The following EYS variants were observed in gnomAD, a reference collection of about 807,000 sequenced individuals.
EYS encodes protein eyes shut homolog.
EYS carries 250 observed loss-of-function variants against 282.1 expected under a neutral mutation model. That is an observed-to-expected ratio of 0.89 (90% CI 0.80 to 0.98). The LOEUF (loss-of-function observed/expected upper bound fraction) is 0.98. EYS is among the 50% of genes least tolerant of loss of function. The pLI is 0.00. For synonymous variants in EYS, 1,355 were observed against 1,282.9 expected (o/e 1.06, Z -1.20); for missense variants, 4,016 against 3,709.0 (o/e 1.08, Z -2.15).
intron 12 of EYS, among the ~76,000 whole-genome samples, chr6:65,253,659 G>T (rs555013547): frequency 6.6e-6 from 1 of 151,832 alleles, no homozygotes; most frequent in South Asian, 2.1e-4. Context: ...AAAGCAATTT[G>T]CATTGATTCA....
At chr6:64,711,772 C>G (rs543392063) in intron 22 of EYS, among the ~76,000 whole-genome samples, 1 of 152,168 alleles carries the variant, frequency 6.6e-6, no homozygotes, top group Admixed American at 6.5e-5. Flanking sequence ...TTCAGACTTG[C>G]GCCCCTCCGA....
intron 22 of EYS, among the ~76,000 whole-genome samples, chr6:64,757,433 T>G (rs1772978353): frequency 6.6e-6 from 1 of 152,208 alleles, no homozygotes; most frequent in African/African-American, 2.4e-5. Context: ...ACATGCATTT[T>G]TTTTTTATTT....
intron 28 of EYS, among the ~76,000 whole-genome samples, chr6:64,416,604 T>C (rs1774065678): frequency 6.6e-6 from 1 of 152,044 alleles, no homozygotes; most frequent in South Asian, 2.1e-4. Flanking sequence ...ATTTATTCAT[T>C]AGGCAAAACT....
chr6:65,316,653 CCA>C (rs1769303021), intron 11 of EYS, among the ~76,000 whole-genome samples: 1 of 151,600 alleles, frequency 6.6e-6, no homozygotes, highest in Non-Finnish European at 1.5e-5. Context: ...CTGGCAGGCC[CCA>C]GTGTGTGATG....
intron 31 of EYS, among the ~76,000 whole-genome samples, chr6:64,193,798 G>C (rs1765191089): frequency 6.6e-6 from 1 of 152,090 alleles, no homozygotes; most frequent in South Asian, 2.1e-4. Context: ...GTGGTTTCCA[G>C]CTTCATCCAT....
intron 11 of EYS, chr6:65,329,577 G>T: frequency 1.0e-6 from 1 of 982,194 alleles, no homozygotes; most frequent in Non-Finnish European, 1.2e-6. Flanking sequence ...TATCTTTTTT[G>T]CTTTAAAGGT....
intron 26 of EYS, among the ~76,000 whole-genome samples, chr6:64,511,240 T>TATATATATATG: frequency 7.0e-6 from 1 of 143,728 alleles, no homozygotes; most frequent in African/African-American, 2.6e-5. Context: ...ATATATATCA[T>TATATATATATG]ATATATATAT....
intron 22 of EYS, among the ~76,000 whole-genome samples, chr6:64,646,855 T>C (rs1425363151): frequency 1.3e-5 from 2 of 151,994 alleles, no homozygotes; most frequent in Non-Finnish European, 2.9e-5. Flanking sequence ...AGTTGCATTA[T>C]TCCTCATGAG....
intron 31 of EYS, among the ~76,000 whole-genome samples, chr6:64,127,118 T>G (rs944357550): frequency 2.6e-5 from 4 of 152,190 alleles, no homozygotes; most frequent in Admixed American, 6.5e-5. Context: ...CATACAACTT[T>G]TAAAACTTTG....
At chr6:64,905,773 T>C (rs970804986) in intron 16 of EYS, among the ~76,000 whole-genome samples, 6 of 152,160 alleles carry the variant, frequency 3.9e-5, no homozygotes, top group Admixed American at 3.9e-4. Flanking sequence ...TTCATAAAAA[T>C]CATTTTACAT....
chr6:65,274,616 C>T (rs1411787702), intron 12 of EYS, among the ~76,000 whole-genome samples: 2 of 152,102 alleles, frequency 1.3e-5, no homozygotes, highest in African/African-American at 4.8e-5. Flanking sequence ...ATTCTTCAGG[C>T]CATTGTCATA....
At chr6:64,052,773 G>A (rs1045006138) in intron 33 of EYS, among the ~76,000 whole-genome samples, 15 of 152,048 alleles carry the variant, frequency 9.9e-5, no homozygotes, top group African/African-American at 3.4e-4. Flanking sequence ...GTCTCGCGGG[G>A]TCTGATGGTT....
chr6:64,502,018 T>A (rs1777062238), intron 26 of EYS, among the ~76,000 whole-genome samples: 2 of 152,138 alleles, frequency 1.3e-5, no homozygotes, highest in South Asian at 4.1e-4. Context: ...ATAACACCGA[T>A]CTCATAGGGC....
At chr6:65,085,826 A>G (rs1019676762) in intron 12 of EYS, among the ~76,000 whole-genome samples, 1 of 151,778 alleles carries the variant, frequency 6.6e-6, no homozygotes, top group African/African-American at 2.4e-5. Flanking sequence ...TTCTTTTGCT[A>G]TGTCTGCCTT....
chr6:65,283,254 C>T (rs1278159816), intron 12 of EYS, among the ~76,000 whole-genome samples: 2 of 151,734 alleles, frequency 1.3e-5, no homozygotes, highest in Non-Finnish European at 2.9e-5. Flanking sequence ...TTAAAAAGAA[C>T]AAGTCTCATT....
Position 63,848,837 on chromosome 6 carries a change from G to A in EYS, c.7228+15349C>T, listed in dbSNP as rs1156235029. Among the ~76,000 whole-genome samples the A allele has an allele frequency of 2.6e-5, 4 of 152,124 alleles. No individual in the cohort carries two copies. In the East Asian group the frequency reaches 7.7e-4, roughly 29 times the overall value. Reference sequence around the variant, plus strand: ...CCTGGAACCCCAGCGAGACAGAACTGTTCACTCCTCTGGAAAGGGGGCTGA... The same window carrying A: ...CCTGGAACCCCAGCGAGACAGAACTATTCACTCCTCTGGAAAGGGGGCTGA... On this transcript the variant is annotated intron_variant, in intron 36 of 42. Coordinates refer to ENST00000503581, the MANE Select transcript of EYS (RefSeq NM_001142800.2).
chr6:65,410,818 G>C (rs528692251), intron 5 of EYS, among the ~76,000 whole-genome samples: 1 of 151,582 alleles, frequency 6.6e-6, no homozygotes, highest in East Asian at 1.9e-4. Context: ...ATGGAAGAAT[G>C]GATAAAGAAA....
intron 12 of EYS, among the ~76,000 whole-genome samples, chr6:65,094,574 G>GA (rs1198875422): frequency 6.6e-6 from 1 of 150,722 alleles, no homozygotes; most frequent in African/African-American, 2.4e-5. Context: ...AAGACAAACT[G>GA]AAAAATTAAA....
intron 22 of EYS, among the ~76,000 whole-genome samples, chr6:64,658,607 G>T (rs754509943): frequency 2.6e-5 from 4 of 152,182 alleles, no homozygotes; most frequent in Non-Finnish European, 4.4e-5. Context: ...GTTGGAGTTT[G>T]CTGGAGATCC....
Sources: allele counts gnomAD v4.1 joint callset (sites outside exome capture counted in the v4.1 genomes callset), GRCh38; gene constraint gnomAD v4.1.1; transcripts MANE v1.5; gene names NCBI Gene and HGNC (gene_info 2026-07-23, HGNC 2026-07-21).